The following GTF2F2 variants were observed in gnomAD, a reference collection of about 807,000 sequenced individuals.
The protein encoded by GTF2F2 is general transcription factor IIF subunit 2, also known as ATP-dependent helicase GTF2F2.
GTF2F2 carries 23 observed loss-of-function variants against 42.2 expected under a neutral mutation model. The ratio of observed to expected loss-of-function variants is 0.55; its 90% CI spans 0.39 to 0.77. GTF2F2 has a LOEUF of 0.77. Among genes scored for constraint, GTF2F2 ranks in the 30% least tolerant of loss-of-function variants. The probability of loss-of-function intolerance (pLI) is 0.00; values close to 1 mark genes in which losing one functional copy is unlikely to be tolerated. For synonymous variants in GTF2F2, 105 were observed against 100.8 expected, an observed-to-expected ratio of 1.04 and a Z score of -0.25; for missense variants, 261 against 287.2, an observed-to-expected ratio of 0.91 and a Z score of 0.66.
At chr13:45,224,011 A>G (rs900029004) in intron 5 of GTF2F2, among the ~76,000 whole-genome samples, 2 of 152,234 alleles carry the variant, frequency 1.3e-5, no homozygotes, top group African/African-American at 4.8e-5. Context: ...AAGCTATATT[A>G]TATATTAAAC....
Position 45,215,416 on chromosome 13 carries a change from A to G in GTF2F2, c.386+7911A>G, listed in dbSNP as rs1025996058. ...AAAAGTATAAAAATACCTTTGGAAT[A>G]AAACTATAACAGAAAACTAGGCAAG... On this transcript the variant is annotated intron_variant, in intron 5 of 7. Coordinates refer to ENST00000340473, the MANE Select transcript of GTF2F2 (RefSeq NM_004128.3). Among the ~76,000 whole-genome samples the G allele has an allele frequency of 1.6e-4, 24 of 152,358 alleles. No homozygotes were observed. In the South Asian group the frequency reaches 2.5e-3, roughly 16 times the overall value.
rs565075127 is a variant in GTF2F2 at position 45,161,228 on chromosome 13, C to T, written c.304+9397C>T. On this transcript the variant is annotated intron_variant, in intron 4 of 7. Coordinates refer to ENST00000340473, the MANE Select transcript of GTF2F2 (RefSeq NM_004128.3). Reference sequence around the variant, plus strand: ...TGGTGGTACCAGTAGCCTTACCCACCGTTGCTTTTGCACTATTGGCAAATA... The same window carrying T: ...TGGTGGTACCAGTAGCCTTACCCACTGTTGCTTTTGCACTATTGGCAAATA... Among the ~76,000 whole-genome samples, 7 of 152,078 alleles carry T rather than the reference C, an allele frequency of 4.6e-5. No individual in the cohort carries two copies. The South Asian group carries it at 6.2e-4, about 14-fold the overall frequency.
At chr13:45,258,697 G>A (rs942808412) in intron 6 of GTF2F2, among the ~76,000 whole-genome samples, 9 of 152,172 alleles carry the variant, frequency 5.9e-5, no homozygotes, top group African/African-American at 1.2e-4. Context: ...GTATTTTGTA[G>A]TTTTGACAAA....
intron 5 of GTF2F2, among the ~76,000 whole-genome samples, chr13:45,208,485 G>T (rs1873508892): frequency 6.6e-6 from 1 of 152,170 alleles, no homozygotes; most frequent in South Asian, 2.1e-4. Context: ...TCTGCCAGGT[G>T]CTTTCTTAGA....
intron 4 of GTF2F2, among the ~76,000 whole-genome samples, chr13:45,168,687 A>C (rs1308532298): frequency 1.3e-5 from 2 of 151,902 alleles, no homozygotes; most frequent in African/African-American, 2.4e-5. Context: ...ATCTCGGTTC[A>C]TGGCACCCCC....
chr13:45,121,572 A>T (rs1026247024), intron 1 of GTF2F2, among the ~76,000 whole-genome samples: 1 of 152,200 alleles, frequency 6.6e-6, no homozygotes, highest in African/African-American at 2.4e-5. Flanking sequence ...ATTTGCTAAC[A>T]CGACAGATGT....
chr13:45,225,251 A>G (rs990944811), intron 5 of GTF2F2, among the ~76,000 whole-genome samples: 1 of 152,214 alleles, frequency 6.6e-6, no homozygotes, highest in Admixed American at 6.5e-5. Flanking sequence ...TATGGACAAG[A>G]ACAATATAAT....
intron 1 of GTF2F2, among the ~76,000 whole-genome samples, chr13:45,134,866 AT>A (rs1039260644): frequency 6.6e-6 from 1 of 151,982 alleles, no homozygotes; most frequent in Non-Finnish European, 1.5e-5. Flanking sequence ...GATGAGGAGA[AT>A]GTGATTTTGC....
At chr13:45,269,752 T>C (rs770403399) in intron 7 of GTF2F2, among the ~76,000 whole-genome samples, 4 of 152,226 alleles carry the variant, frequency 2.6e-5, no homozygotes, top group Non-Finnish European at 4.4e-5. Context: ...ACATTACTTA[T>C]ATTTAGTTCA....
chr13:45,236,551 A>G (rs1472986703), intron 5 of GTF2F2, among the ~76,000 whole-genome samples: 2 of 151,780 alleles, frequency 1.3e-5, no homozygotes, highest in East Asian at 1.9e-4. Flanking sequence ...CTCAGTGTAG[A>G]TAAGTGTGGA....
chr13:45,254,225 C>A (rs933839391), intron 6 of GTF2F2, among the ~76,000 whole-genome samples: 1 of 152,128 alleles, frequency 6.6e-6, no homozygotes, highest in African/African-American at 2.4e-5. Context: ...TAATCTCTTA[C>A]TGTGCCTAAT....
intron 5 of GTF2F2, among the ~76,000 whole-genome samples, chr13:45,218,895 G>A (rs550174258): frequency 6.6e-6 from 1 of 152,278 alleles, no homozygotes; most frequent in Non-Finnish European, 1.5e-5. Flanking sequence ...TCCTAAGTGT[G>A]TTACATTCTA....
At chr13:45,138,073 C>T (rs956360958) in intron 2 of GTF2F2, among the ~76,000 whole-genome samples, 2 of 152,100 alleles carry the variant, frequency 1.3e-5, no homozygotes, top group African/African-American at 4.8e-5. Flanking sequence ...TCACTTTTTT[C>T]CTGAGACTTT....
In GTF2F2 at chr13:45,191,921, G is replaced by T. The variant is rs74068841; in HGVS notation, c.305-15503G>T. Among the ~76,000 whole-genome samples, 81 of 152,186 alleles carry T rather than the reference G, an allele frequency of 5.3e-4. 1 individual carries two copies. Among genetic ancestry groups the T allele is most frequent in the African/African-American group, 1.9e-3 (78 of 41,548 alleles). ...ACCTTACTTGTAATGCTTCTAAGGA[G>T]ATCTGTTCAGCTATATCTCCTGTAA... On this transcript the variant is annotated intron_variant, in intron 4 of 7. Transcript: ENST00000340473.
intron 5 of GTF2F2, among the ~76,000 whole-genome samples, chr13:45,250,467 C>G (rs1301241149): frequency 6.6e-6 from 1 of 152,150 alleles, no homozygotes; most frequent in African/African-American, 2.4e-5. Flanking sequence ...CTCCATCACC[C>G]TTGTTCATCT....
At chr13:45,256,880 A>G (rs1473371626) in intron 6 of GTF2F2, among the ~76,000 whole-genome samples, 2 of 152,154 alleles carry the variant, frequency 1.3e-5, no homozygotes, top group African/African-American at 2.4e-5. Context: ...TCAGTGTTTC[A>G]TTCTAACAGT....
At chr13:45,280,177 CAG>C (rs1469376620) in intron 7 of GTF2F2, among the ~76,000 whole-genome samples, 1 of 152,062 alleles carries the variant, frequency 6.6e-6, no homozygotes, top group African/African-American at 2.4e-5. Flanking sequence ...CACGCAGATG[CAG>C]AAATGGGAAG....
intron 1 of GTF2F2, among the ~76,000 whole-genome samples, chr13:45,127,184 G>A (rs9595242): frequency 0.24 from 35,853 of 152,088 alleles, 4,635 homozygotes; most frequent in African/African-American, 0.33. Flanking sequence ...TTGCAAGGGT[G>A]TAGTATTTTA....
At chr13:45,228,933 G>A (rs1874524870) in intron 5 of GTF2F2, among the ~76,000 whole-genome samples, 1 of 152,096 alleles carries the variant, frequency 6.6e-6, no homozygotes, top group Admixed American at 6.6e-5. Flanking sequence ...GCCTCCTGAA[G>A]TGTTGGGATT....
Sources: gnomAD v4.1 joint callset for allele counts (sites outside exome capture counted in the v4.1 genomes callset) on GRCh38, gnomAD v4.1.1 for gene constraint, MANE v1.5 for transcripts, NCBI Gene and HGNC (gene_info 2026-07-23, HGNC 2026-07-21) for gene names.